ABCA4: variants seen among roughly 807,000 people sequenced by gnomAD.
ABCA4 encodes ATP binding cassette subfamily A member 4, also known as retinal-specific phospholipid-transporting ATPase ABCA4.
Under a neutral mutation model 263.7 loss-of-function variants are expected in ABCA4, and 196 were observed. The ratio of observed to expected loss-of-function variants is 0.74; its 90% CI spans 0.66 to 0.84. The LOEUF (loss-of-function observed/expected upper bound fraction) is 0.84, where lower values mean the gene tolerates loss of function less well. ABCA4 is among the 40% of genes least tolerant of loss of function. ABCA4 has a pLI of 0.00. For missense variants in ABCA4, 2,792 were observed against 2,855.1 expected (o/e 0.98, Z 0.50); for synonymous variants, 1,133 against 1,094.2 (o/e 1.04, Z -0.70).
intron 18 of ABCA4, among the ~76,000 whole-genome samples, chr1:94,047,814 C>G (rs147016014): frequency 2.0e-5 from 3 of 152,318 alleles, no homozygotes; most frequent in Non-Finnish European, 4.4e-5. Context: ...TCCCATGCCC[C>G]CTCCAGTGCA....
chr1:94,055,143 A>T lies in ABCA4; in HGVS notation c.2555T>A (p.Leu852Ter). Residue 852 changes from leucine to a stop codon, truncating the protein, a stop_gained, in exon 16 of 50, where the codon TTA becomes TAA. Transcript: ENST00000370225. LOFTEE classifies it high-confidence loss of function. ...CACCTGATCAAGGTACCAAGCGAGT[A>T]AGCCATAGACAGCAGCATCAAGGAG... Reference protein sequence around the residue: ...MMLLDAAVYGLLAWYLDQVFP... With the variant: ...MMLLDAAVYG 6.2e-7 allele frequency: 1 copy of T among 1,614,174 alleles called. No individual in the cohort carries two copies.
At position 94,000,854 on chromosome 1, in the gene ABCA4, A is replaced by G; in HGVS notation, c.6461T>C (p.Ile2154Thr). The G allele has an allele frequency of 6.2e-7, 1 of 1,614,216 alleles. No individual in the cohort carries two copies. Among genetic ancestry groups the G allele is most frequent in the Non-Finnish European group, 8.5e-7 (1 of 1,180,028 alleles). ...VKGAFRCMGT[I>T]QHLKSKFGDG... is the part of the protein sequence containing the mutation. ...TGCTTACTTGGACTTGAGATGCTGA[A>G]TGGTGCCCATACATCGAAAGGCGCC... The change falls in exon 47 of 50, where the codon ATT (isoleucine) becomes ACT (threonine). Residue 2154 changes from isoleucine (I) to threonine (T), a missense_variant. Physicochemically the swap from Ile to Thr is moderately conservative, Grantham distance 89. Coordinates refer to ENST00000370225, the MANE Select transcript of ABCA4 (RefSeq NM_000350.3).
chr1:94,036,952 C>G (rs1660355023), intron 25 of ABCA4, among the ~76,000 whole-genome samples, 164 bp from the exon 26 acceptor site: 1 of 152,204 alleles, frequency 6.6e-6, no homozygotes, highest in South Asian at 2.1e-4. Flanking sequence ...CGTAAGCACA[C>G]AGTAACCACA....
Position 94,119,982 on chromosome 1 carries a change from C to G in ABCA4, c.66+998G>C, listed in dbSNP as rs188057655. On this transcript the variant is annotated intron_variant, in intron 1 of 49. Coordinates refer to ENST00000370225, the MANE Select transcript of ABCA4 (RefSeq NM_000350.3). The stretch of plus-strand genomic sequence containing the variant: ...GTCCTAATCTCACCCCTACCCAGCC[C>G]CCATCCCTTATCCCCTCCTTCCTCT... Among the ~76,000 whole-genome samples the G allele has an allele frequency of 4.6e-5, 7 of 152,298 alleles. No individual in the cohort carries two copies. The East Asian group carries it at 1.2e-3, about 25-fold the overall frequency.
chr1:93,996,027 A>T, intron 49 of ABCA4, 82 bp downstream of exon 49: 1 of 1,321,260 alleles, frequency 7.6e-7, no homozygotes, highest in Non-Finnish European at 1.1e-6. Context: ...TGAGCCTTGG[A>T]GCAACTCAAG....
At chr1:94,020,952 A>G (rs1659878556) in intron 35 of ABCA4, among the ~76,000 whole-genome samples, 1 of 152,250 alleles carries the variant, frequency 6.6e-6, no homozygotes, top group Non-Finnish European at 1.5e-5. Flanking sequence ...GCACATAGCA[A>G]AGATAATAAT....
At chr1:94,075,519 G>C (rs1039928888) in intron 11 of ABCA4, among the ~76,000 whole-genome samples, 2 of 152,136 alleles carry the variant, frequency 1.3e-5, no homozygotes, top group Admixed American at 1.3e-4. Flanking sequence ...TGGAGAGCGA[G>C]GGTCACACAC....
chr1:93,999,885 C>A (rs188278669), intron 47 of ABCA4, among the ~76,000 whole-genome samples: 2 of 152,346 alleles, frequency 1.3e-5, no homozygotes, highest in Non-Finnish European at 2.9e-5. Flanking sequence ...GGTCTGGTGA[C>A]CTGACATGCT....
At chr1:94,104,761 G>A (rs1266139059) in intron 4 of ABCA4, among the ~76,000 whole-genome samples, 2 of 152,138 alleles carry the variant, frequency 1.3e-5, no homozygotes, top group African/African-American at 2.4e-5. Flanking sequence ...GGGAGGAGGA[G>A]GGCTCTGAGA....
intron 49 of ABCA4, among the ~76,000 whole-genome samples, chr1:93,994,357 G>C (rs1035593585): frequency 1.3e-5 from 2 of 152,126 alleles, no homozygotes; most frequent in Non-Finnish European, 2.9e-5. Flanking sequence ...AAATGTTCTT[G>C]GTAAGCAAAC....
At chr1:94,061,089 T>C (rs1317466212) in intron 13 of ABCA4, among the ~76,000 whole-genome samples, 1 of 152,174 alleles carries the variant, frequency 6.6e-6, no homozygotes, top group Non-Finnish European at 1.5e-5. Flanking sequence ...GACTTGATGA[T>C]GTGGATGGGA....
In ABCA4 at chr1:94,037,324, C is replaced by T; in HGVS notation, c.3634G>A (p.Val1212Ile). The T allele has an allele frequency of 6.2e-7, 1 of 1,614,174 alleles. No individual in the cohort carries two copies. Residue 1212 changes from valine to isoleucine, a missense_variant, in exon 25 of 50, where the codon GTT becomes ATT. Physicochemically the swap from Val to Ile is conservative, Grantham distance 29. Coordinates refer to ENST00000370225, the MANE Select transcript of ABCA4 (RefSeq NM_000350.3). ...DGDVNELMDV[V>I]LHHVPEAKLV... is the part of the protein sequence containing the mutation. Reference sequence around the variant, plus strand: ...TTTGCCTCTGGAACATGGTGGAGAACTACATCCATCAGCTCATTTACATCC... The same window carrying T: ...TTTGCCTCTGGAACATGGTGGAGAATTACATCCATCAGCTCATTTACATCC...
intron 18 of ABCA4, among the ~76,000 whole-genome samples, chr1:94,047,505 A>G (rs1479464724): frequency 6.6e-6 from 1 of 152,164 alleles, no homozygotes; most frequent in Non-Finnish European, 1.5e-5. Context: ...CTATAGGGAG[A>G]GTTGGCCCCA....
At chr1:94,120,697 G>C (rs1285354445) in intron 1 of ABCA4, among the ~76,000 whole-genome samples, 1 of 151,478 alleles carries the variant, frequency 6.6e-6, no homozygotes, top group Non-Finnish European at 1.5e-5. Flanking sequence ...AACGGGGGGT[G>C]GGGGAGGGGC....
At chr1:94,005,639 G>T in intron 43 of ABCA4, 57 bp from the exon 44 acceptor site, 1 of 1,571,786 alleles carries the variant, frequency 6.4e-7, no homozygotes, top group Admixed American at 1.7e-5. Flanking sequence ...GATGACCATA[G>T]AGCTAGGGCT....
Position 94,121,136 on chromosome 1 carries a change from G to A in ABCA4, c.-91C>T. On this transcript the variant is annotated 5_prime_UTR_variant, in exon 1 of 50. Transcript: ENST00000370225. ...CGCCGTTAAGAGCGCCTCTGGCTCC[G>A]GACGCTGTGTCCTTCTCCTGGTGAT... 8 of 1,148,408 alleles carry A rather than the reference G, an allele frequency of 7.0e-6. No homozygotes were observed. Among genetic ancestry groups the A allele is most frequent in the South Asian group, 2.5e-5 (2 of 81,536 alleles). The allele number at this position is 1,148,408 out of a possible 1,614,324, so 71.1% of individuals were successfully genotyped here. A position where few individuals can be genotyped will look rare whatever the true frequency, so the allele number is the denominator to read the frequency against.
chr1:94,014,294 G>C (rs1005527809), intron 38 of ABCA4, among the ~76,000 whole-genome samples: 2 of 148,310 alleles, frequency 1.3e-5, no homozygotes, highest in African/African-American at 5.0e-5. Context: ...AGGAAGGAAG[G>C]AAGCAATGAA....
At chr1:94,014,227 G>C (rs1659655189) in intron 38 of ABCA4, among the ~76,000 whole-genome samples, 1 of 151,118 alleles carries the variant, frequency 6.6e-6, no homozygotes, top group Non-Finnish European at 1.5e-5. Context: ...GATGGAGGGA[G>C]GATGAAAGGA....
intron 9 of ABCA4, among the ~76,000 whole-genome samples, chr1:94,079,076 A>G (rs1475657422): frequency 6.6e-6 from 1 of 152,206 alleles, no homozygotes. Flanking sequence ...TAGGGATATA[A>G]TTCAAGCAAT....
Sources: gnomAD v4.1 joint callset for allele counts (sites outside exome capture counted in the v4.1 genomes callset) on GRCh38, gnomAD v4.1.1 for gene constraint, MANE v1.5 for transcripts, NCBI Gene and HGNC (gene_info 2026-07-23, HGNC 2026-07-21) for gene names.